The following CUX1 variants were observed in gnomAD, a reference collection of about 807,000 sequenced individuals.
The protein encoded by CUX1 is protein CASP.
CUX1 carries 31 observed loss-of-function variants against 158.8 expected under a neutral mutation model. The ratio of observed to expected loss-of-function variants is 0.20; its 90% CI spans 0.15 to 0.26. The LOEUF is 0.26. CUX1 is among the 10% of genes least tolerant of loss of function. The pLI is 1.00. For missense variants in CUX1, 1,589 were observed against 2,014.6 expected (o/e 0.79, Z 4.04); for synonymous variants, 879 against 862.1 (o/e 1.02, Z -0.34).
chr7:101,821,528 C>T (rs530120194), intron 1 of CUX1, among the ~76,000 whole-genome samples: 44 of 148,610 alleles, frequency 3.0e-4, no homozygotes, highest in Middle Eastern at 3.8e-3. Flanking sequence ...TTAGTAGAGA[C>T]GGGGTTTCAC....
chr7:102,205,041 G>T, intron 19 of CUX1, 73 bp from the exon 20 acceptor site: 1 of 1,102,336 alleles, frequency 9.1e-7, no homozygotes. Flanking sequence ...CCCGGGCCTT[G>T]CCACATTCAG....
intron 8 of CUX1, among the ~76,000 whole-genome samples, chr7:102,136,715 T>TGGGAGAGAAA (rs1405977248): frequency 7.2e-5 from 11 of 152,208 alleles, no homozygotes; most frequent in African/African-American, 2.7e-4. Context: ...TAAATTAACT[T>TGGGAGAGAAA]GGGAGAGAAA....
At chr7:102,070,275 T>C in intron 3 of CUX1, 64 bp from the exon 4 acceptor site, 1 of 1,410,330 alleles carries the variant, frequency 7.1e-7, no homozygotes, top group African/African-American at 1.4e-5. Flanking sequence ...TAATGCTTTG[T>C]AAATTACCTC....
chr7:101,926,508 G>T lies in CUX1; in HGVS notation c.141+10283G>T, dbSNP rs556866427. On this transcript the variant is annotated intron_variant, in intron 2 of 23. Coordinates refer to ENST00000292535, the MANE Select transcript of CUX1 (RefSeq NM_181552.4). ...GAAGAGGAGGTTGCCTGGGCCCAGG[G>T]ACATTGAATGCTAGTCAAGCCCTGG... Among the ~76,000 whole-genome samples the T allele has an allele frequency of 8.5e-5, 13 of 152,224 alleles. 1 individual carries two copies. In the South Asian group the frequency reaches 2.3e-3, roughly 27 times the overall value.
At chr7:102,147,876 G>A (rs549137504) in intron 8 of CUX1, among the ~76,000 whole-genome samples, 11 of 152,246 alleles carry the variant, frequency 7.2e-5, no homozygotes, top group African/African-American at 2.6e-4. Context: ...GCGCATGCCT[G>A]TACTCCCAGC....
chr7:101,898,334 A>G (rs1166851224), intron 1 of CUX1, among the ~76,000 whole-genome samples: 1 of 152,218 alleles, frequency 6.6e-6, no homozygotes, highest in Non-Finnish European at 1.5e-5. Flanking sequence ...TTTTTATTCC[A>G]GAAGTCAGAT....
chr7:101,944,775 G>A (rs1448734283), intron 2 of CUX1, among the ~76,000 whole-genome samples: 1 of 152,212 alleles, frequency 6.6e-6, no homozygotes, highest in Admixed American at 6.5e-5. Flanking sequence ...GGATGCTGCA[G>A]ACCTGCAGCG....
intron 12 of CUX1, 94 bp downstream of exon 12, chr7:102,189,965 C>A: frequency 1.5e-6 from 2 of 1,362,528 alleles, no homozygotes; most frequent in East Asian, 2.3e-5. Flanking sequence ...GCCTTGGCCC[C>A]CTGCCCTCTG....
At chr7:101,932,455 A>C in intron 2 of CUX1, 1 of 399,666 alleles carries the variant, frequency 2.5e-6, no homozygotes, top group Non-Finnish European at 5.1e-6. Context: ...GCACTTTTGC[A>C]TTTTAAAACG....
intron 13 of CUX1, among the ~76,000 whole-genome samples, chr7:102,194,974 A>T (rs1238234223): frequency 6.6e-6 from 1 of 151,276 alleles, no homozygotes; most frequent in African/African-American, 2.4e-5. Context: ...CAGTGAGCCA[A>T]GATCATGCCA....
chr7:102,076,851 C>T (rs980017731), intron 4 of CUX1, among the ~76,000 whole-genome samples: 3 of 151,382 alleles, frequency 2.0e-5, no homozygotes, highest in African/African-American at 4.9e-5. Flanking sequence ...CTGGGCAACA[C>T]GGTAAAACCC....
At chr7:102,281,360 A>C (rs1792047329) in intron 20 of CUX1, among the ~76,000 whole-genome samples, 2 of 151,542 alleles carry the variant, frequency 1.3e-5, no homozygotes, top group Non-Finnish European at 2.9e-5. Context: ...GTCTAAAAAA[A>C]CGTTTTTAAA....
At chr7:102,235,295 C>T (rs536210822) in intron 22 of CUX1, among the ~76,000 whole-genome samples, 23 of 152,312 alleles carry the variant, frequency 1.5e-4, no homozygotes, top group African/African-American at 3.4e-4. Context: ...GCTCACTGGG[C>T]GGCTGAACTG....
At chr7:101,984,377 T>C (rs1460425296) in intron 2 of CUX1, among the ~76,000 whole-genome samples, 2 of 151,212 alleles carry the variant, frequency 1.3e-5, no homozygotes, top group African/African-American at 4.9e-5. Flanking sequence ...CCCTGTAAGA[T>C]TGTCGTGGGA....
chr7:101,821,658 T>C (rs990648941), intron 1 of CUX1, among the ~76,000 whole-genome samples: 3 of 124,780 alleles, frequency 2.4e-5, no homozygotes, highest in African/African-American at 9.5e-5. Context: ...TTTCTTTTCT[T>C]TTTTTCTTTT....
rs869202667 is a variant in CUX1, at chr7:102,073,165, C to CTTTTTTTTTTTTTTTTTTTTTTTTTT, written c.268+2772_268+2773insTTTTTTTTTTTTTTTTTTTTTTTTTT. ...AAATAATATGTAATCTCTTTTCTTT[C>CTTTTTTTTTTTTTTTTTTTTTTTTTT]TTTTTTTTTTTTTTTTTTTTTTTTC... On this transcript the variant is annotated intron_variant, in intron 4 of 23. Coordinates refer to ENST00000292535, the MANE Select transcript of CUX1 (RefSeq NM_181552.4). Among the ~76,000 whole-genome samples, 58 of 66,874 alleles carry CTTTTTTTTTTTTTTTTTTTTTTTTTT rather than the reference C, an allele frequency of 8.7e-4. 12 individuals are homozygous for CTTTTTTTTTTTTTTTTTTTTTTTTTT. Among genetic ancestry groups the CTTTTTTTTTTTTTTTTTTTTTTTTTT allele is most frequent in the African/African-American group, 3.3e-3 (52 of 15,582 alleles). 43.9% of individuals were successfully genotyped at this position (66,874 alleles called of 152,430 possible).
At chr7:102,154,447 CA>C (rs782091837) in intron 8 of CUX1, 113 of 127,146 alleles carry the variant, frequency 8.9e-4, no homozygotes, top group African/African-American at 1.2e-3. Context: ...CCATCTGTAC[CA>C]AAAAAAAAAA....
At chr7:102,000,609 C>G (rs1816576600) in intron 2 of CUX1, among the ~76,000 whole-genome samples, 1 of 152,242 alleles carries the variant, frequency 6.6e-6, no homozygotes, top group South Asian at 2.1e-4. Flanking sequence ...CACGTTGAAG[C>G]TGCAGCCCAT....
At chr7:102,237,796 A>G (rs1175606972) in intron 22 of CUX1, among the ~76,000 whole-genome samples, 2 of 152,216 alleles carry the variant, frequency 1.3e-5, no homozygotes, top group Non-Finnish European at 2.9e-5. Flanking sequence ...AGTGGCCCCA[A>G]ATGCCAGGCT....
Sources: allele counts gnomAD v4.1 joint callset (sites outside exome capture counted in the v4.1 genomes callset), GRCh38; gene constraint gnomAD v4.1.1; transcripts MANE v1.5; gene names NCBI Gene and HGNC (gene_info 2026-07-23, HGNC 2026-07-21).